The following THAP5 variants were observed in gnomAD, a reference collection of about 807,000 sequenced individuals.
The protein encoded by THAP5 is THAP domain containing 5.
Under a neutral mutation model 34.0 loss-of-function variants are expected in THAP5, and 26 were observed. The observed-to-expected ratio is 0.77, with a 90% CI of 0.56 to 1.06. The LOEUF (loss-of-function observed/expected upper bound fraction) is 1.06. Among genes scored for constraint, THAP5 ranks in the 50% least tolerant of loss-of-function variants. The pLI, the probability that THAP5 is intolerant of heterozygous loss-of-function variation, is 0.00. For missense variants in THAP5, 394 were observed against 452.8 expected, an observed-to-expected ratio of 0.87 and a Z score of 1.18; for synonymous variants, 125 against 153.0, an observed-to-expected ratio of 0.82 and a Z score of 1.35.
chr7:108,544,722 A>G, the THAP5 span, among the ~76,000 whole-genome samples: 5 of 151,962 alleles, frequency 3.3e-5, no homozygotes, highest in Admixed American at 6.6e-5. Flanking sequence ...CAGAGGTGCA[A>G]TCTCAGCTCA....
At chr7:108,552,106 A>G (rs1048504172), downstream of THAP5, among the ~76,000 whole-genome samples, 1 of 152,074 alleles carries the variant, frequency 6.6e-6, no homozygotes, top group African/African-American at 2.4e-5. Context: ...ACTTTCACTT[A>G]ACCTCTGTTT....
rs181901659 is a variant in THAP5 at position 108,565,626 on chromosome 7, A to G, written c.273+204T>C. On this transcript the variant is annotated intron_variant, in intron 2 of 2. Coordinates refer to ENST00000415914, the MANE Select transcript of THAP5 (RefSeq NM_001130475.3). ...ACTTGTGTTAATAACTTAATAATGT[A>G]TATCTCTTGCTTCTCTTAAGCTGTG... is the stretch of plus-strand genomic sequence containing the variant. 5 of 417,460 alleles carry G rather than the reference A, an allele frequency of 1.2e-5. No homozygotes were observed. In the Admixed American group the frequency reaches 1.2e-4, roughly 10 times the overall value. 25.9% of individuals were successfully genotyped at this position (417,460 alleles called of 1,614,324 possible).
At chr7:108,566,591 A>G (rs1241467996) in intron 1 of THAP5, among the ~76,000 whole-genome samples, 3 of 152,192 alleles carry the variant, frequency 2.0e-5, no homozygotes, top group Non-Finnish European at 4.4e-5. Context: ...AATTCTATCT[A>G]TAAGTAATCT....
At chr7:108,549,456 T>G in the THAP5 span, among the ~76,000 whole-genome samples, 1 of 152,168 alleles carries the variant, frequency 6.6e-6, no homozygotes, top group East Asian at 1.9e-4. Context: ...CACTGTCTTT[T>G]TGACACTCCA....
downstream of THAP5, among the ~76,000 whole-genome samples, chr7:108,553,767 C>T (rs1864368536): frequency 6.6e-6 from 1 of 152,118 alleles, no homozygotes. Flanking sequence ...AACAAGAGGG[C>T]ATATTTCCCA....
At chr7:108,558,168 A>G (rs989040272), downstream of THAP5, among the ~76,000 whole-genome samples, 1 of 151,856 alleles carries the variant, frequency 6.6e-6, no homozygotes, top group Non-Finnish European at 1.5e-5. Flanking sequence ...GGGGATTACA[A>G]TTTGGCATGA....
chr7:108,551,131 G>C (rs2154517807), downstream of THAP5, among the ~76,000 whole-genome samples: 1 of 152,174 alleles, frequency 6.6e-6, no homozygotes, highest in Admixed American at 6.5e-5. Context: ...ACTATAGTTG[G>C]GTTCTTTCCC....
Position 108,564,465 on chromosome 7 carries a change from T to C in THAP5, c.914A>G (p.Asp305Gly). Residue 305 changes from aspartate (D) to glycine (G), a missense_variant, in exon 3 of 3, where the codon GAC (aspartate) becomes GGC (glycine). By Grantham distance (94) the Asp-to-Gly change is moderately conservative. Coordinates refer to ENST00000415914, the MANE Select transcript of THAP5 (RefSeq NM_001130475.3). The part of the protein sequence containing the change: ...TTEMEDTDIE[D>G]SLYKDVDYGT... ...ATAGTCTACATCCTTATACAAGGAG[T>C]CTTCAATGTCTGTGTCTTCCATTTC... 6.2e-7 allele frequency: 1 copy of C among 1,613,922 alleles called. No homozygotes were observed. The highest frequency in any genetic ancestry group is 8.5e-7 in the Non-Finnish European group (1 of 1,179,924).
downstream of THAP5, among the ~76,000 whole-genome samples, chr7:108,551,972 G>A (rs2154517821): frequency 6.6e-6 from 1 of 152,212 alleles, no homozygotes; most frequent in East Asian, 1.9e-4. Flanking sequence ...ATTCTCCAGA[G>A]AATACACCTT....
rs150538659 is a variant in THAP5 at position 108,564,209 on chromosome 7, A to C, written c.1170T>G (p.Tyr390Ter). The C allele has an allele frequency of 1.9e-6, 3 of 1,595,066 alleles. No homozygotes were observed. Among genetic ancestry groups the C allele is most frequent in the Admixed American group, 1.8e-5 (1 of 54,952 alleles). ...VKIIENHFTT[Y>*]EVTMI is the part of the protein sequence containing the mutation. The stretch of plus-strand genomic sequence containing the variant: ...AGTTATTCTATATCATAGTGACTTC[A>C]TATGTTGTAAAATGGTTTTCTATAA... Residue 390 changes from tyrosine to a stop codon, truncating the protein, a stop_gained, in exon 3 of 3, where the codon TAT becomes TAG. Coordinates refer to ENST00000415914, the MANE Select transcript of THAP5 (RefSeq NM_001130475.3). LOFTEE classifies it high-confidence loss of function.
chr7:108,569,729 C>T (rs1454298719), upstream of THAP5: 2 of 921,266 alleles, frequency 2.2e-6, no homozygotes, highest in African/African-American at 1.7e-5. Context: ...CCGCCTCCTC[C>T]GGTTTAAGCA....
chr7:108,569,615 G>T lies in THAP5; in HGVS notation c.-46C>A. 1 of 1,547,386 alleles carries T rather than the reference G, an allele frequency of 6.5e-7. No individual in the cohort carries two copies. Among genetic ancestry groups the T allele is most frequent in the South Asian group, 1.2e-5 (1 of 83,982 alleles). The stretch of plus-strand genomic sequence containing the variant: ...AGACCGGGGCCGGCGACGGATGCAG[G>T]GCGGCCCTCCTCACTGAGGATGCGC... On this transcript the variant is annotated 5_prime_UTR_variant, in exon 1 of 3. Transcript: ENST00000415914.
chr7:108,542,622 C>G, the THAP5 span, among the ~76,000 whole-genome samples: 6,812 of 152,208 alleles, frequency 0.045, 484 homozygotes, highest in African/African-American at 0.15. Context: ...GCCACCACGC[C>G]CAGCTAATTT....
At chr7:108,561,210 G>C (rs1315452722), downstream of THAP5, among the ~76,000 whole-genome samples, 1 of 151,920 alleles carries the variant, frequency 6.6e-6, no homozygotes, top group Non-Finnish European at 1.5e-5. Flanking sequence ...GAAACCTTAG[G>C]CATGTGCCAT....
At chr7:108,565,713 T>G in intron 2 of THAP5, 117 bp downstream of exon 2, 1 of 781,622 alleles carries the variant, frequency 1.3e-6, no homozygotes, top group Non-Finnish European at 1.8e-6. Flanking sequence ...AGTGCTCCCT[T>G]TTTTCCAAGT....
the THAP5 span, among the ~76,000 whole-genome samples, chr7:108,548,397 G>C: frequency 6.6e-6 from 1 of 152,108 alleles, no homozygotes; most frequent in African/African-American, 2.4e-5. Context: ...AAGTAAAGAA[G>C]CAATAATGAC....
chr7:108,553,510 A>G (rs549210072), downstream of THAP5, among the ~76,000 whole-genome samples: 60 of 152,264 alleles, frequency 3.9e-4, no homozygotes, highest in African/African-American at 1.4e-3. Context: ...TTGGAACTCC[A>G]CTTCTCCTTC....
chr7:108,546,798 T>C, the THAP5 span, among the ~76,000 whole-genome samples: 2 of 152,222 alleles, frequency 1.3e-5, no homozygotes, highest in African/African-American at 4.8e-5. Flanking sequence ...TCTTCAGAAA[T>C]ACATTACTGT....
At chr7:108,556,738 C>G (rs1864388440) in intron 1 of THAP5, among the ~76,000 whole-genome samples, 1 of 152,178 alleles carries the variant, frequency 6.6e-6, no homozygotes, top group Admixed American at 6.5e-5. Context: ...AGTGTATCTA[C>G]CATTCTGGGG....
Sources: gnomAD v4.1 joint callset for allele counts (sites outside exome capture counted in the v4.1 genomes callset) on GRCh38, gnomAD v4.1.1 for gene constraint, MANE v1.5 for transcripts, NCBI Gene and HGNC (gene_info 2026-07-23, HGNC 2026-07-21) for gene names.